The following NR2C2 variants were observed in gnomAD, a reference collection of about 807,000 sequenced individuals.
The protein encoded by NR2C2 is nuclear receptor subfamily 2 group C member 2, also known as Nuclear hormone receptor TR4.
In NR2C2, 6 loss-of-function variants were observed where a neutral mutation model predicts 62.9. The ratio of observed to expected loss-of-function variants is 0.10; its 90% confidence interval spans 0.05 to 0.19. The LOEUF (loss-of-function observed/expected upper bound fraction) is 0.19, where lower values mean the gene tolerates loss of function less well. Among genes scored for constraint, NR2C2 ranks in the 10% least tolerant of loss-of-function variants. NR2C2 has a pLI of 1.00. For missense variants in NR2C2, 479 were observed against 762.7 expected (o/e 0.63, Z 4.38); for synonymous variants, 272 against 273.8 (o/e 0.99, Z 0.07).
intron 7 of NR2C2, among the ~76,000 whole-genome samples, chr3:15,025,324 G>A (rs2041793157): frequency 6.6e-6 from 1 of 152,242 alleles, no homozygotes; most frequent in Non-Finnish European, 1.5e-5. Context: ...GAGTCTGACA[G>A]TGCTCTTCGT....
At chr3:14,979,854 A>C (rs986132526) in intron 1 of NR2C2, among the ~76,000 whole-genome samples, 1 of 152,106 alleles carries the variant, frequency 6.6e-6, no homozygotes, top group Non-Finnish European at 1.5e-5. Context: ...CACATAAAAT[A>C]TATTTTGGGG....
chr3:14,976,776 C>G (rs1433337378), intron 1 of NR2C2, among the ~76,000 whole-genome samples: 2 of 151,780 alleles, frequency 1.3e-5, no homozygotes, highest in Non-Finnish European at 2.9e-5. Flanking sequence ...ATAATTTTAC[C>G]TCAGAATTTT....
chr3:15,022,699 T>TA (rs1382298619), intron 5 of NR2C2, among the ~76,000 whole-genome samples: 2 of 152,124 alleles, frequency 1.3e-5, no homozygotes, highest in Admixed American at 1.3e-4. Context: ...GGCATTTTTT[T>TA]ATCCTTGAAA....
At position 15,041,404 on chromosome 3, in the gene NR2C2, C is replaced by T. The variant is rs2042261044; in HGVS notation, c.1617-1430C>T. The stretch of plus-strand genomic sequence containing the variant: ...TCGTGTGCCCTGCAAGATTGGAGCA[C>T]AGCGACTCATTGTGGCTGAGTGAAT... On this transcript the variant is annotated intron_variant, in intron 13 of 13. Coordinates refer to ENST00000425241, the MANE Select transcript of NR2C2 (RefSeq NM_001291694.2). Among the ~76,000 whole-genome samples, 2 of 152,158 alleles carry T rather than the reference C, an allele frequency of 1.3e-5. 1 individual carries two copies. The highest frequency in any genetic ancestry group is 4.1e-4 in the South Asian group (2 of 4,824).
intron 13 of NR2C2, among the ~76,000 whole-genome samples, chr3:15,041,549 CTT>C (rs766784092): frequency 1.3e-5 from 2 of 152,122 alleles, no homozygotes; most frequent in Non-Finnish European, 2.9e-5. Flanking sequence ...AAAAAGAAAA[CTT>C]TTTAAAAAGC....
chr3:14,972,153 CTT>C (rs796832550), intron 1 of NR2C2, among the ~76,000 whole-genome samples: 1 of 138,780 alleles, frequency 7.2e-6, no homozygotes, highest in African/African-American at 2.6e-5. Flanking sequence ...CATTCTCTCT[CTT>C]TTTTTTTTCT....
intron 1 of NR2C2, among the ~76,000 whole-genome samples, chr3:14,966,683 C>G (rs1267086549): frequency 6.6e-6 from 1 of 152,194 alleles, no homozygotes; most frequent in Non-Finnish European, 1.5e-5. Context: ...ATGATGTTCT[C>G]TAGAGTACCC....
At chr3:15,023,911 A>G (rs999487808) in intron 6 of NR2C2, among the ~76,000 whole-genome samples, 6 of 152,192 alleles carry the variant, frequency 3.9e-5, no homozygotes, top group African/African-American at 1.4e-4. Context: ...ATCCTGTCTC[A>G]AGCTGTAAAC....
At chr3:14,994,439 C>A in intron 1 of NR2C2, among the ~76,000 whole-genome samples, 1 of 89,608 alleles carries the variant, frequency 1.1e-5, no homozygotes, top group East Asian at 3.3e-4. Context: ...TTTATTCATT[C>A]TTTTTTTTTT....
chr3:15,010,783 G>C (rs888699032), intron 2 of NR2C2, among the ~76,000 whole-genome samples: 13 of 151,824 alleles, frequency 8.6e-5, no homozygotes, highest in Admixed American at 6.6e-4. Context: ...GTCCTTGTCT[G>C]GAACCAGTAA....
chr3:15,011,263 C>G (rs1363212819), intron 2 of NR2C2, among the ~76,000 whole-genome samples: 2 of 152,144 alleles, frequency 1.3e-5, no homozygotes, highest in Non-Finnish European at 2.9e-5. Context: ...TGCTTGGGCC[C>G]AGGAGGTTGA....
intron 2 of NR2C2, among the ~76,000 whole-genome samples, chr3:15,009,415 C>T (rs1237961675): frequency 6.6e-6 from 1 of 152,138 alleles, no homozygotes; most frequent in East Asian, 1.9e-4. Flanking sequence ...CACTTCACCT[C>T]AGTGTTTATT....
chr3:15,046,864 A>C lies in NR2C2; in HGVS notation c.*3856A>C, dbSNP rs955368871. The C allele has an allele frequency of 2.0e-5, 3 of 152,614 alleles. No individual in the cohort carries two copies. The highest frequency in any genetic ancestry group is 7.2e-5 in the African/African-American group (3 of 41,436). 9.5% of individuals were successfully genotyped at this position (152,614 alleles called of 1,614,324 possible). A position where few individuals can be genotyped will look rare whatever the true frequency, so the allele number is the denominator to read the frequency against. ...CTCTCAGTTATGAGGCTCTTTGAAA[A>C]TGTCTTAACTTTGATGTAAATTTTT... is the stretch of plus-strand genomic sequence containing the variant. On this transcript the variant is annotated 3_prime_UTR_variant, in exon 14 of 14. Coordinates refer to ENST00000425241, the MANE Select transcript of NR2C2 (RefSeq NM_001291694.2).
At chr3:14,990,671 G>T (rs1005898111) in intron 1 of NR2C2, among the ~76,000 whole-genome samples, 1 of 152,138 alleles carries the variant, frequency 6.6e-6, no homozygotes, top group African/African-American at 2.4e-5. Context: ...AAAGCTGCAG[G>T]GAGCCATTGG....
At chr3:14,961,241 G>T (rs2039679337) in intron 1 of NR2C2, among the ~76,000 whole-genome samples, 1 of 152,152 alleles carries the variant, frequency 6.6e-6, no homozygotes, top group South Asian at 2.1e-4. Context: ...CATAATAGAG[G>T]TGGCTATCTA....
chr3:14,953,441 G>A (rs999545735), intron 1 of NR2C2, among the ~76,000 whole-genome samples: 1 of 152,178 alleles, frequency 6.6e-6, no homozygotes, highest in East Asian at 1.9e-4. Context: ...CTGCTGAAAA[G>A]TGAAGAGAAA....
intron 1 of NR2C2, among the ~76,000 whole-genome samples, chr3:14,990,639 G>T (rs1158214780): frequency 6.6e-6 from 1 of 152,180 alleles, no homozygotes; most frequent in Non-Finnish European, 1.5e-5. Context: ...GGCCTGGGAG[G>T]TTGCTGAGGA....
chr3:15,024,967 TG>T, intron 7 of NR2C2, among the ~76,000 whole-genome samples: 1 of 152,178 alleles, frequency 6.6e-6, no homozygotes, highest in Middle Eastern at 3.2e-3. Flanking sequence ...CATCCTCTTT[TG>T]GGAAAGAGAA....
chr3:15,007,417 G>A (rs1187644052), intron 2 of NR2C2, among the ~76,000 whole-genome samples: 2 of 151,926 alleles, frequency 1.3e-5, no homozygotes, highest in South Asian at 2.1e-4. Context: ...ATGAGCCACC[G>A]TGCCCAGCCC....
Sources: allele counts gnomAD v4.1 joint callset (sites outside exome capture counted in the v4.1 genomes callset), GRCh38; gene constraint gnomAD v4.1.1; transcripts MANE v1.5; gene names NCBI Gene and HGNC (gene_info 2026-07-23, HGNC 2026-07-21).